Variants in CCDC185 observed in about 807,000 individuals in gnomAD.
CCDC185 encodes coiled-coil domain-containing protein 185.
For missense variants in CCDC185, 982 were observed against 825.3 expected (o/e 1.19, Z -2.33); for synonymous variants, 381 against 348.1 (o/e 1.09, Z -1.05).
chr1:223,395,407 T>G lies in CCDC185; in HGVS notation c.*60T>G. ...GAAGGAGATGTGGCAATGTGATTCC[T>G]TTTGTAATCTGATTATAATTGAACA... On this transcript the variant is annotated 3_prime_UTR_variant, in exon 1 of 1. Coordinates refer to ENST00000366875, the MANE Select transcript of CCDC185 (RefSeq NM_152610.3). The G allele has an allele frequency of 1.4e-6, 2 of 1,415,682 alleles. No individual in the cohort carries two copies. Among genetic ancestry groups the G allele is most frequent in the Non-Finnish European group, 1.9e-6 (2 of 1,070,820 alleles). 87.7% of individuals were successfully genotyped at this position (1,415,682 alleles called of 1,614,324 possible). A position where few individuals can be genotyped will look rare whatever the true frequency, so the allele number is the denominator to read the frequency against.
chr1:223,394,633 ACGGAACCTC>A lies in CCDC185; in HGVS notation c.1162_1170del (p.Asn388_Arg390del). On this transcript the variant is annotated inframe_deletion, in exon 1 of 1. Coordinates refer to ENST00000366875, the MANE Select transcript of CCDC185 (RefSeq NM_152610.3). ...GCCTGCGGGAGCAGGAGAAGATGCT[ACGGAACCTC>A]CGGGAGCAGCACAGCCTGCAGCTGC... The A allele has an allele frequency of 6.2e-7, 1 of 1,613,222 alleles. No individual in the cohort carries two copies. The highest frequency in any genetic ancestry group is 8.5e-7 in the Non-Finnish European group (1 of 1,179,874).
Position 223,395,135 on chromosome 1 carries a change from G to A in CCDC185, c.1660G>A (p.Glu554Lys), listed in dbSNP as rs764756867. 6.2e-7 allele frequency: 1 copy of A among 1,614,128 alleles called. No homozygotes were observed. Among genetic ancestry groups the A allele is most frequent in the Admixed American group, 1.7e-5 (1 of 60,012 alleles). ...HILKLKAEKE[E>K]KCHIEGIKEA... ...CCTGAAACTGAAAGCCGAGAAGGAG[G>A]AAAAGTGTCACATTGAGGGCATCAA... The change falls in exon 1 of 1, where the codon GAA becomes AAA. Residue 554 changes from glutamate (E) to lysine (K), a missense_variant. Glu to Lys is a moderately conservative substitution (Grantham distance 56). Coordinates refer to ENST00000366875, the MANE Select transcript of CCDC185 (RefSeq NM_152610.3).
chr1:223,394,108 G>T lies in CCDC185; in HGVS notation c.633G>T (p.Lys211Asn), dbSNP rs1412137459. 1 of 1,614,134 alleles carries T rather than the reference G, an allele frequency of 6.2e-7. No individual in the cohort carries two copies. The highest frequency in any genetic ancestry group is 1.7e-5 in the Admixed American group (1 of 60,034). ...ACTCAGCCTGCGTGTGCGCCCAGAAGAGAGACAGCAGCGACCAGGTTGAGT... is the reference window on the plus strand; with the variant it reads ...ACTCAGCCTGCGTGTGCGCCCAGAATAGAGACAGCAGCGACCAGGTTGAGT... Reference protein sequence around the residue: ...KRHSACVCAQKRDSSDQVESL... With the variant: ...KRHSACVCAQNRDSSDQVESL... The change falls in exon 1 of 1, where the codon AAG becomes AAT. Residue 211 changes from lysine (K) to asparagine (N), a missense_variant. Lys to Asn is a moderately conservative substitution (Grantham distance 94). Transcript: ENST00000366875.
In CCDC185 at chr1:223,394,161, T is replaced by C; in HGVS notation, c.686T>C (p.Leu229Ser). The C allele has an allele frequency of 6.2e-7, 1 of 1,614,066 alleles. No homozygotes were observed. The highest frequency in any genetic ancestry group is 8.5e-7 in the Non-Finnish European group (1 of 1,180,036). The change falls in exon 1 of 1, where the codon TTG becomes TCG. Residue 229 changes from leucine (L) to serine (S), a missense_variant. Physicochemically the swap from Leu to Ser is moderately radical, Grantham distance 145. Coordinates refer to ENST00000366875, the MANE Select transcript of CCDC185 (RefSeq NM_152610.3). Reference protein sequence around the residue: ...ESLASRDSQPLASSKEMRSPH... With the variant: ...ESLASRDSQPSASSKEMRSPH... The stretch of plus-strand genomic sequence containing the variant: ...TTAGCCAGCCGGGACTCCCAGCCCT[T>C]GGCCTCCAGCAAAGAGATGCGGAGC...
Position 223,393,727 on chromosome 1 carries a change from C to A in CCDC185, c.252C>A (p.Ser84Arg). 6.4e-7 allele frequency: 1 copy of A among 1,568,722 alleles called. No homozygotes were observed. The highest frequency in any genetic ancestry group is 8.6e-7 in the Non-Finnish European group (1 of 1,160,304). Reference sequence around the variant, plus strand: ...CAGATTCACTGCGGGGCAGCCGAAGCCTGAGCGATGTGGCCCGCAGGCCCC... The same window carrying A: ...CAGATTCACTGCGGGGCAGCCGAAGACTGAGCGATGTGGCCCGCAGGCCCC... ...GCSDSLRGSR[S>R]LSDVARRPLE... The change falls in exon 1 of 1, where the codon AGC (serine) becomes AGA (arginine). Residue 84 changes from serine to arginine, a missense_variant. Coordinates refer to ENST00000366875, the MANE Select transcript of CCDC185 (RefSeq NM_152610.3). This position sits in a 1 kb window ranked among gnomAD's most constrained non-coding sequence, Gnocchi z 4.8.
At position 223,395,014 on chromosome 1, in the gene CCDC185, G is replaced by T. The variant is rs776587787; in HGVS notation, c.1539G>T (p.Lys513Asn). The change falls in exon 1 of 1, where the codon AAG (lysine) becomes AAT (asparagine). Residue 513 changes from lysine to asparagine, a missense_variant. Coordinates refer to ENST00000366875, the MANE Select transcript of CCDC185 (RefSeq NM_152610.3). Reference protein sequence around the residue: ...KRILVELADEKIRQARSHVHK... With the variant: ...KRILVELADENIRQARSHVHK... The stretch of plus-strand genomic sequence containing the variant: ...TTCTGGTGGAGCTGGCGGATGAGAA[G>T]ATCCGACAGGCCAGGAGTCACGTGC... 6.2e-7 allele frequency: 1 copy of T among 1,614,056 alleles called. No homozygotes were observed. The highest frequency in any genetic ancestry group is 8.5e-7 in the Non-Finnish European group (1 of 1,180,012).
In CCDC185 at chr1:223,394,644, G is replaced by T; in HGVS notation, c.1169G>T (p.Arg390Leu). The T allele has an allele frequency of 6.2e-7, 1 of 1,613,278 alleles. No individual in the cohort carries two copies. The highest frequency in any genetic ancestry group is 8.5e-7 in the Non-Finnish European group (1 of 1,179,932). Residue 390 changes from arginine to leucine, a missense_variant, in exon 1 of 1, where the codon CGG (arginine) becomes CTG (leucine). Physicochemically the swap from Arg to Leu is moderately radical, Grantham distance 102. Transcript: ENST00000366875. ...REQEKMLRNL[R>L]EQHSLQLQRR... ...CAGGAGAAGATGCTACGGAACCTCC[G>T]GGAGCAGCACAGCCTGCAGCTGCAG...
At position 223,395,385 on chromosome 1, in the gene CCDC185, G is replaced by A; in HGVS notation, c.*38G>A. The A allele has an allele frequency of 1.4e-6, 2 of 1,467,698 alleles. No individual in the cohort carries two copies. The highest frequency in any genetic ancestry group is 2.8e-5 in the African/African-American group (2 of 70,820). The allele number at this position is 1,467,698 out of a possible 1,614,324, so 90.9% of individuals were successfully genotyped here. On this transcript the variant is annotated 3_prime_UTR_variant, in exon 1 of 1. Coordinates refer to ENST00000366875, the MANE Select transcript of CCDC185 (RefSeq NM_152610.3). ...CCTGGCTTACAGTGCGCAGCCAGAA[G>A]GAGATGTGGCAATGTGATTCCTTTT...
At position 223,395,003 on chromosome 1, in the gene CCDC185, G is replaced by C; in HGVS notation, c.1528G>C (p.Ala510Pro). The C allele has an allele frequency of 1.2e-6, 2 of 1,614,080 alleles. No homozygotes were observed. Among genetic ancestry groups the C allele is most frequent in the Non-Finnish European group, 1.7e-6 (2 of 1,180,020 alleles). Reference sequence around the variant, plus strand: ...GCGCAAAAGAATTCTGGTGGAGCTGGCGGATGAGAAGATCCGACAGGCCAG... The same window carrying C: ...GCGCAAAAGAATTCTGGTGGAGCTGCCGGATGAGAAGATCCGACAGGCCAG... The part of the protein sequence containing the change: ...KMRKRILVEL[A>P]DEKIRQARSH... Residue 510 changes from alanine (A) to proline (P), a missense_variant, in exon 1 of 1, where the codon GCG becomes CCG. Transcript: ENST00000366875.
At position 223,393,881 on chromosome 1, in the gene CCDC185, C is replaced by T; in HGVS notation, c.406C>T (p.Pro136Ser). The change falls in exon 1 of 1, where the codon CCG becomes TCG. Residue 136 changes from proline to serine, a missense_variant. Transcript: ENST00000366875. The surrounding 1 kb of genome is among the most constrained non-coding windows in gnomAD (Gnocchi z 4.8). ...GCCACCCCAGCGGCCGCAGCCCTGCCCGCATTACCCTCTGGCCCAGGGAGA... is the reference window on the plus strand; with the variant it reads ...GCCACCCCAGCGGCCGCAGCCCTGCTCGCATTACCCTCTGGCCCAGGGAGA... The part of the protein sequence containing the change: ...QLPPQRPQPC[P>S]HYPLAQGDSP... 1 of 1,609,236 alleles carries T rather than the reference C, an allele frequency of 6.2e-7. No homozygotes were observed.
In CCDC185 at chr1:223,395,447, G is replaced by C. The variant is rs1038820762; in HGVS notation, c.*100G>C. The C allele has an allele frequency of 8.0e-7, 1 of 1,255,582 alleles. No individual in the cohort carries two copies. Among genetic ancestry groups the C allele is most frequent in the Non-Finnish European group, 1.0e-6 (1 of 961,746 alleles). 77.8% of individuals were successfully genotyped at this position (1,255,582 alleles called of 1,614,324 possible). A position where few individuals can be genotyped will look rare whatever the true frequency, so the allele number is the denominator to read the frequency against. The stretch of plus-strand genomic sequence containing the variant: ...ATAATTGAACATTGATTTTAAAAAA[G>C]CATGTAAAATAGCTGCAATTTCCTC... On this transcript the variant is annotated 3_prime_UTR_variant, in exon 1 of 1. Transcript: ENST00000366875.
chr1:223,393,693 G>A lies in CCDC185; in HGVS notation c.218G>A (p.Arg73His), dbSNP rs1289457974. The change falls in exon 1 of 1, where the codon CGC (arginine) becomes CAC (histidine). Residue 73 changes from arginine (R) to histidine (H), a missense_variant. Coordinates refer to ENST00000366875, the MANE Select transcript of CCDC185 (RefSeq NM_152610.3). This position sits in a 1 kb window ranked among gnomAD's most constrained non-coding sequence, Gnocchi z 4.8. Reference sequence around the variant, plus strand: ...TCGTTCACCCCGCGGCCTCGCAGGCGCGGGTGCTCAGATTCACTGCGGGGC... The same window carrying A: ...TCGTTCACCCCGCGGCCTCGCAGGCACGGGTGCTCAGATTCACTGCGGGGC... ...HCSFTPRPRR[R>H]GCSDSLRGSR... 4 of 1,571,628 alleles carry A rather than the reference G, an allele frequency of 2.5e-6. No homozygotes were observed. The highest frequency in any genetic ancestry group is 2.7e-5 in the African/African-American group (2 of 73,862).
rs764495031 is a variant in CCDC185 at position 223,393,915 on chromosome 1, C to T, written c.440C>T (p.Pro147Leu). ...HYPLAQGDSP[P>L]PCPGGAGTPL... ...CCTCTGGCCCAGGGAGACTCGCCCC[C>T]GCCTTGCCCCGGAGGAGCTGGCACT... Residue 147 changes from proline (P) to leucine (L), a missense_variant, in exon 1 of 1, where the codon CCG (proline) becomes CTG (leucine). Physicochemically the swap from Pro to Leu is moderately conservative, Grantham distance 98 (BLOSUM62 -3). Coordinates refer to ENST00000366875, the MANE Select transcript of CCDC185 (RefSeq NM_152610.3). This position sits in a 1 kb window ranked among gnomAD's most constrained non-coding sequence, Gnocchi z 4.8. 2 of 1,612,204 alleles carry T rather than the reference C, an allele frequency of 1.2e-6. No homozygotes were observed. Among genetic ancestry groups the T allele is most frequent in the Middle Eastern group, 1.7e-4 (1 of 6,042 alleles).
At position 223,394,705 on chromosome 1, in the gene CCDC185, A is replaced by T; in HGVS notation, c.1230A>T (p.Leu410=). 1 of 1,611,934 alleles carries T rather than the reference A, an allele frequency of 6.2e-7. No individual in the cohort carries two copies. The highest frequency in any genetic ancestry group is 8.5e-7 in the Non-Finnish European group (1 of 1,179,312). Residue 410 remains leucine (L), a synonymous_variant, in exon 1 of 1, where the codon CTA becomes CTT. Transcript: ENST00000366875. Reference sequence around the variant, plus strand: ...TGGAAGCCTGTCGCAAGAGGCACCTACATGCCGTGGAGGGCCAGAAGAAGG... The same window carrying T: ...TGGAAGCCTGTCGCAAGAGGCACCTTCATGCCGTGGAGGGCCAGAAGAAGG... The part of the protein sequence containing the change: ...RLVEACRKRH[L]HAVEGQKKVQ...
Position 223,395,217 on chromosome 1 carries a change from C to A in CCDC185, c.1742C>A (p.Pro581Gln). The change falls in exon 1 of 1, where the codon CCA becomes CAA. Residue 581 changes from proline to glutamine, a missense_variant. Transcript: ENST00000366875. ...RVQHISQGKD[P>Q]NFQEFQKLPQ... ...CAGCACATTTCCCAAGGGAAAGACCCAAACTTCCAGGAGTTCCAGAAGCTC... is the reference window on the plus strand; with the variant it reads ...CAGCACATTTCCCAAGGGAAAGACCAAAACTTCCAGGAGTTCCAGAAGCTC... 1 of 1,612,164 alleles carries A rather than the reference C, an allele frequency of 6.2e-7. No individual in the cohort carries two copies. Among genetic ancestry groups the A allele is most frequent in the Non-Finnish European group, 8.5e-7 (1 of 1,179,440 alleles).
chr1:223,393,853 G>A lies in CCDC185; in HGVS notation c.378G>A (p.Gln126=), dbSNP rs1253475583. 5 of 1,602,988 alleles carry A rather than the reference G, an allele frequency of 3.1e-6. No homozygotes were observed. The highest frequency in any genetic ancestry group is 2.6e-6 in the Non-Finnish European group (3 of 1,175,670). The change falls in exon 1 of 1, where the codon CAG becomes CAA. Residue 126 remains glutamine, a synonymous_variant. Coordinates refer to ENST00000366875, the MANE Select transcript of CCDC185 (RefSeq NM_152610.3). The surrounding 1 kb of genome is among the most constrained non-coding windows in gnomAD (Gnocchi z 4.8). ...KPRPAWQPQT[Q]LPPQRPQPCP... is the part of the protein sequence containing the mutation. ...GCCCGGCTTGGCAGCCGCAGACCCAGCTGCCACCCCAGCGGCCGCAGCCCT... is the reference window on the plus strand; with the variant it reads ...GCCCGGCTTGGCAGCCGCAGACCCAACTGCCACCCCAGCGGCCGCAGCCCT...
In CCDC185 at chr1:223,394,777, G is replaced by A. The variant is rs147334016; in HGVS notation, c.1302G>A (p.Lys434=). Residue 434 remains lysine (K), a synonymous_variant, in exon 1 of 1, where the codon AAG becomes AAA. Transcript: ENST00000366875. ...CCCTCATCAATTACCAGGCCCGGAA[G>A]GTCCTCATGGACTGCCAGGCCAAGG... ...LSSLINYQAR[K]VLMDCQAKAE... is the part of the protein sequence containing the mutation. The A allele has an allele frequency of 4.2e-4, 675 of 1,613,094 alleles. No individual in the cohort carries two copies. The highest frequency in any genetic ancestry group is 5.4e-4 in the Non-Finnish European group (642 of 1,179,256).
chr1:223,393,571 C>A lies in CCDC185; in HGVS notation c.96C>A (p.Gly32=). The part of the protein sequence containing the change: ...GGERESTQRL[G]GQRSGADSTA... ...AACGAGAGTCCACGCAGCGGCTGGG[C>A]GGGCAGAGGTCCGGAGCCGACTCCA... The change falls in exon 1 of 1, where the codon GGC becomes GGA. Residue 32 remains glycine, a synonymous_variant. Coordinates refer to ENST00000366875, the MANE Select transcript of CCDC185 (RefSeq NM_152610.3). The surrounding 1 kb of genome is among the most constrained non-coding windows in gnomAD (Gnocchi z 4.8). 1.3e-6 allele frequency: 2 copies of A among 1,545,696 alleles called. No homozygotes were observed. Among genetic ancestry groups the A allele is most frequent in the East Asian group, 2.4e-5 (1 of 41,920 alleles).
chr1:223,395,225 C>T, the CCDC185 span: 4 of 1,611,322 alleles, frequency 2.5e-6, no homozygotes, highest in African/African-American at 1.3e-5. Flanking sequence ...CCCAAACTTC[C>T]AGGAGTTCCA....
Sources: gnomAD v4.1 joint callset for allele counts on GRCh38, gnomAD v4.1.1 for gene constraint, Gnocchi (gnomAD v3.1) non-coding constraint, MANE v1.5 for transcripts, NCBI Gene and HGNC (gene_info 2026-07-23, HGNC 2026-07-21) for gene names.